The following GARNL3 variants were observed in gnomAD, a reference collection of about 807,000 sequenced individuals.
GARNL3 encodes GTPase-activating Rap/Ran-GAP domain-like protein 3.
In GARNL3, 63 loss-of-function variants were observed where a neutral mutation model predicts 125.0. That is an observed-to-expected ratio of 0.50 (90% CI 0.41 to 0.62). GARNL3 has a LOEUF of 0.62. Ranked by LOEUF, GARNL3 falls within the 20% of genes least tolerant of loss-of-function variation. The probability of loss-of-function intolerance (pLI) is 0.00; values close to 1 mark genes in which losing one functional copy is unlikely to be tolerated. For synonymous variants in GARNL3, 439 were observed against 457.5 expected (o/e 0.96, Z 0.52); for missense variants, 994 against 1,244.0 (o/e 0.80, Z 3.02).
chr9:127,375,103 C>T (rs1261450969), intron 22 of GARNL3, among the ~76,000 whole-genome samples: 1 of 152,078 alleles, frequency 6.6e-6, no homozygotes, highest in African/African-American at 2.4e-5. Context: ...AACAGTTCTT[C>T]AAAAAGTTAA....
intron 1 of GARNL3, among the ~76,000 whole-genome samples, chr9:127,287,010 T>C (rs557067909): frequency 2.6e-5 from 4 of 152,284 alleles, no homozygotes; most frequent in East Asian, 1.9e-4. Flanking sequence ...CCTCTGGTCA[T>C]TGGGGTTCTA....
rs900205241 is a variant in GARNL3, at chr9:127,387,062, G to A, written c.2389-131G>A. 3.9e-5 allele frequency: 34 copies of A among 863,808 alleles called. No homozygotes were observed. The African/African-American group carries it at 4.1e-4, about 10-fold the overall frequency. The allele number at this position is 863,808 out of a possible 1,614,324, so 53.5% of individuals were successfully genotyped here. On this transcript the variant is annotated intron_variant, in intron 24 of 27. Transcript: ENST00000373387. The stretch of plus-strand genomic sequence containing the variant: ...GAAGGCTCTCTCCATCCCTCGCCCC[G>A]GCATCCCGCACTGCACTGTATGCTC...
At chr9:127,320,320 C>CTT (rs2065359902) in intron 5 of GARNL3, among the ~76,000 whole-genome samples, 1 of 152,170 alleles carries the variant, frequency 6.6e-6, no homozygotes, top group Non-Finnish European at 1.5e-5. Context: ...AACTTAGGTT[C>CTT]AAGGGAATTT....
At chr9:127,233,477 C>T (rs1167631236) in intron 1 of GARNL3, among the ~76,000 whole-genome samples, 3 of 152,142 alleles carry the variant, frequency 2.0e-5, no homozygotes, top group Admixed American at 6.6e-5. Context: ...GTCATTATAT[C>T]TGGGATGCTT....
chr9:127,292,636 C>T (rs1172350820), intron 2 of GARNL3, among the ~76,000 whole-genome samples: 1 of 152,258 alleles, frequency 6.6e-6, no homozygotes, highest in African/African-American at 2.4e-5. Context: ...AACTCTGGCC[C>T]CTGCCGCATC....
intron 8 of GARNL3, 38 bp downstream of exon 8, chr9:127,332,387 C>T (rs2131570454): frequency 6.6e-7 from 1 of 1,507,088 alleles, no homozygotes; most frequent in East Asian, 2.3e-5. Flanking sequence ...GCCAGAGACC[C>T]TGTCCTGCCT....
At chr9:127,273,436 G>A (rs1010433046) in intron 1 of GARNL3, among the ~76,000 whole-genome samples, 4 of 152,002 alleles carry the variant, frequency 2.6e-5, no homozygotes, top group East Asian at 3.8e-4. Context: ...ACTATTTTTC[G>A]TCCAAATCTT....
intron 18 of GARNL3, 134 bp from the exon 19 acceptor site, chr9:127,354,160 A>C (rs1382771078): frequency 1.4e-6 from 1 of 714,224 alleles, no homozygotes; most frequent in Non-Finnish European, 2.4e-6. Context: ...TGTCAGGTTA[A>C]AGTGGTGTGG....
upstream of GARNL3, among the ~76,000 whole-genome samples, chr9:127,263,354 C>T (rs1052088130): frequency 6.6e-6 from 1 of 152,100 alleles, no homozygotes; most frequent in African/African-American, 2.4e-5. Flanking sequence ...TTGTTAATTT[C>T]CTAGTGGGCC....
At chr9:127,372,584 T>A (rs999163528) in intron 22 of GARNL3, among the ~76,000 whole-genome samples, 14 of 152,234 alleles carry the variant, frequency 9.2e-5, no homozygotes, top group African/African-American at 2.7e-4. Flanking sequence ...AAATTTTAGC[T>A]CTACATAGTG....
At chr9:127,346,821 C>T (rs1295345040) in intron 16 of GARNL3, among the ~76,000 whole-genome samples, 1 of 152,186 alleles carries the variant, frequency 6.6e-6, no homozygotes, top group Non-Finnish European at 1.5e-5. Flanking sequence ...CGGCTTTGCC[C>T]ACCTCTTCAG....
chr9:127,243,323 G>A (rs2063236532), intron 2 of GARNL3: 7 of 1,236,578 alleles, frequency 5.7e-6, no homozygotes, highest in Admixed American at 4.0e-5. Context: ...TAATGTTTAG[G>A]AAGAATATAC....
At chr9:127,360,485 A>G (rs1402620181) in intron 21 of GARNL3, among the ~76,000 whole-genome samples, 1 of 152,166 alleles carries the variant, frequency 6.6e-6, no homozygotes, top group Admixed American at 6.5e-5. Context: ...GCACTCACTC[A>G]TCTTTCAAGG....
intron 1 of GARNL3, among the ~76,000 whole-genome samples, chr9:127,267,686 A>T (rs1377206036): frequency 2.0e-5 from 3 of 152,216 alleles, no homozygotes; most frequent in Admixed American, 6.5e-5. Context: ...GAGGAGCGTG[A>T]TGTTTCCTCT....
At chr9:127,365,171 G>T in intron 21 of GARNL3, 129 bp from the exon 22 acceptor site, 1 of 721,768 alleles carries the variant, frequency 1.4e-6, no homozygotes. Flanking sequence ...GTGCTGGTGG[G>T]GCAGACATGA....
At chr9:127,372,526 C>T (rs930841214) in intron 22 of GARNL3, among the ~76,000 whole-genome samples, 1 of 152,184 alleles carries the variant, frequency 6.6e-6, no homozygotes, top group Non-Finnish European at 1.5e-5. Flanking sequence ...TAAAATTATG[C>T]AAGAACTCTG....
At chr9:127,328,100 G>C in intron 7 of GARNL3, among the ~76,000 whole-genome samples, 1 of 152,078 alleles carries the variant, frequency 6.6e-6, no homozygotes, top group South Asian at 2.1e-4. Flanking sequence ...ACTTTTTCAG[G>C]GGCTGGACCC....
At chr9:127,246,275 G>A (rs1240977157) in intron 2 of GARNL3, among the ~76,000 whole-genome samples, 9 of 152,188 alleles carry the variant, frequency 5.9e-5, no homozygotes, top group Non-Finnish European at 1.3e-4. Flanking sequence ...TATCAGAGCA[G>A]AAGATGTGAA....
intron 12 of GARNL3, 150 bp from the exon 13 acceptor site, chr9:127,339,495 G>T (rs2131599818): frequency 1.6e-6 from 1 of 621,492 alleles, no homozygotes; most frequent in East Asian, 2.7e-5. Context: ...GCACGGGAAA[G>T]ACTGGCCCCC....
Sources: gnomAD v4.1 joint callset for allele counts (sites outside exome capture counted in the v4.1 genomes callset) on GRCh38, gnomAD v4.1.1 for gene constraint, MANE v1.5 for transcripts, NCBI Gene and HGNC (gene_info 2026-07-23, HGNC 2026-07-21) for gene names.